Variants in FHIP1A observed in about 807,000 individuals in gnomAD.
The protein encoded by FHIP1A is FHF complex subunit HOOK interacting protein 1A.
A neutral mutation model predicts 88.6 loss-of-function variants in FHIP1A; 61 were observed. The observed-to-expected ratio is 0.69, with a 90% CI of 0.56 to 0.85. The LOEUF (loss-of-function observed/expected upper bound fraction) is 0.85, where lower values mean the gene tolerates loss of function less well. Among genes scored for constraint, FHIP1A ranks in the 40% least tolerant of loss-of-function variants. FHIP1A has a pLI of 0.00. For synonymous variants in FHIP1A, 478 were observed against 496.0 expected (o/e 0.96, Z 0.48); for missense variants, 1,154 against 1,273.5 (o/e 0.91, Z 1.43).
chr4:151,659,596 A>T (rs759980153), intron 13 of FHIP1A, among the ~76,000 whole-genome samples: 13 of 152,148 alleles, frequency 8.5e-5, no homozygotes, highest in Non-Finnish European at 4.4e-5. Flanking sequence ...AGCTTTTCAG[A>T]CCCAGGGCAA....
intron 1 of FHIP1A, among the ~76,000 whole-genome samples, chr4:151,423,083 C>A (rs1158487433): frequency 2.0e-5 from 3 of 152,112 alleles, no homozygotes; most frequent in Non-Finnish European, 4.4e-5. Context: ...GGCTTGTCAC[C>A]CATTGACAGG....
chr4:151,661,355 A>G (rs1019514284), intron 13 of FHIP1A, among the ~76,000 whole-genome samples: 2 of 151,922 alleles, frequency 1.3e-5, no homozygotes, highest in Non-Finnish European at 2.9e-5. Flanking sequence ...ATGGCATTAA[A>G]GCTGTGATAA....
rs115735680 is a variant in FHIP1A at position 151,459,878 on chromosome 4, G to A, written c.-248+5070G>A. On this transcript the variant is annotated intron_variant, in intron 2 of 13. Coordinates refer to ENST00000435205, the MANE Select transcript of FHIP1A (RefSeq NM_001109977.3). ...AGGTTGACGGAGAGAGAGCAAGAAT[G>A]AGAAAGACCTTTTGCATACACTTGG... 3.7e-3 allele frequency among the ~76,000 whole-genome samples: 558 copies of A among 152,240 alleles called. 3 individuals are homozygous for A. The highest frequency in any genetic ancestry group is 0.013 in the African/African-American group (538 of 41,546).
chr4:151,422,179 AAAG>A (rs1733196133), intron 1 of FHIP1A, among the ~76,000 whole-genome samples: 1 of 151,862 alleles, frequency 6.6e-6, no homozygotes, highest in Non-Finnish European at 1.5e-5. Flanking sequence ...AAAGAAAAAA[AAAG>A]AAGCAGTTGA....
chr4:151,495,670 C>G lies in FHIP1A; in HGVS notation c.-123+13022C>G, dbSNP rs1730436866. On this transcript the variant is annotated intron_variant, in intron 3 of 13. Coordinates refer to ENST00000435205, the MANE Select transcript of FHIP1A (RefSeq NM_001109977.3). The stretch of plus-strand genomic sequence containing the variant: ...TGGAGTTTCTTTCTTGTTACCCAGG[C>G]TGGAGTGCAGTGGTGTGATCTCGGC... 3.5e-5 allele frequency among the ~76,000 whole-genome samples: 5 copies of G among 141,738 alleles called. No individual in the cohort carries two copies. In the South Asian group the frequency reaches 1.1e-3, roughly 31 times the overall value. 93.0% of individuals were successfully genotyped at this position (141,738 alleles called of 152,430 possible). A position where few individuals can be genotyped will look rare whatever the true frequency, so the allele number is the denominator to read the frequency against.
chr4:151,533,640 G>T (rs1201884927), intron 3 of FHIP1A, among the ~76,000 whole-genome samples: 4 of 152,144 alleles, frequency 2.6e-5, no homozygotes, highest in Non-Finnish European at 4.4e-5. Context: ...AGTAAAATTT[G>T]GTGTAGGGTT....
rs1328931240 is a variant in FHIP1A at position 151,669,346 on chromosome 4, T to C, written c.*6592T>C. ...GGCATCTTCCTCTGGGAATAATCAG[T>C]CCTTAATACAGTTTGCACTTGACAT... On this transcript the variant is annotated 3_prime_UTR_variant, in exon 14 of 14. Coordinates refer to ENST00000435205, the MANE Select transcript of FHIP1A (RefSeq NM_001109977.3). 6.6e-6 allele frequency among the ~76,000 whole-genome samples: 1 copy of C among 152,248 alleles called. No homozygotes were observed. The highest frequency in any genetic ancestry group is 1.5e-5 in the Non-Finnish European group (1 of 68,042).
chr4:151,556,124 G>T (rs535974046), intron 3 of FHIP1A, among the ~76,000 whole-genome samples: 1 of 152,022 alleles, frequency 6.6e-6, no homozygotes, highest in Non-Finnish European at 1.5e-5. Flanking sequence ...TATAATATGC[G>T]TATTTTTGGG....
chr4:151,586,575 T>C, intron 5 of FHIP1A, 66 bp from the exon 6 acceptor site: 1 of 1,318,314 alleles, frequency 7.6e-7, no homozygotes, highest in Non-Finnish European at 1.1e-6. Flanking sequence ...GCATCACCTG[T>C]GAGCTGTTAA....
At chr4:151,499,814 G>A (rs1451674260) in intron 3 of FHIP1A, among the ~76,000 whole-genome samples, 2 of 152,282 alleles carry the variant, frequency 1.3e-5, no homozygotes, top group East Asian at 3.9e-4. Context: ...GATATCATGA[G>A]AACTCACTCA....
At chr4:151,629,637 G>T in intron 7 of FHIP1A, 65 bp from the exon 8 acceptor site, 1 of 1,448,530 alleles carries the variant, frequency 6.9e-7, no homozygotes, top group Non-Finnish European at 9.4e-7. Flanking sequence ...TGGGGGCCAC[G>T]GGAGAGGCGT....
At chr4:151,636,005 C>T (rs1194616047) in intron 8 of FHIP1A, among the ~76,000 whole-genome samples, 4 of 151,888 alleles carry the variant, frequency 2.6e-5, no homozygotes, top group Non-Finnish European at 5.9e-5. Flanking sequence ...GATTCCAAAA[C>T]TAAACAAAGA....
At position 151,638,705 on chromosome 4, in the gene FHIP1A, G is replaced by T; in HGVS notation, c.1175G>T (p.Arg392Ile). ...RLCVVSLALF[R>I]TLIGLHCEDV... ...TGTGTGGTGTCTCTGGCATTATTCA[G>T]AACTCTCATTGGTTTACATTGTGAA... Residue 392 changes from arginine to isoleucine, a missense_variant, in exon 9 of 14, where the codon AGA (arginine) becomes ATA (isoleucine). Coordinates refer to ENST00000435205, the MANE Select transcript of FHIP1A (RefSeq NM_001109977.3). 6.5e-7 allele frequency: 1 copy of T among 1,550,378 alleles called. No individual in the cohort carries two copies. The highest frequency in any genetic ancestry group is 8.7e-7 in the Non-Finnish European group (1 of 1,146,178).
intron 9 of FHIP1A, among the ~76,000 whole-genome samples, chr4:151,644,929 T>A (rs1736734625): frequency 6.6e-6 from 1 of 152,208 alleles, no homozygotes; most frequent in Non-Finnish European, 1.5e-5. Flanking sequence ...TTCTCTCTCC[T>A]GTGTTATTTC....
chr4:151,412,433 T>G (rs774594910), intron 1 of FHIP1A, among the ~76,000 whole-genome samples: 19 of 152,128 alleles, frequency 1.2e-4, no homozygotes, highest in Admixed American at 5.2e-4. Context: ...ATGGGCATAC[T>G]CTTTGCTCCT....
intron 3 of FHIP1A, among the ~76,000 whole-genome samples, chr4:151,493,065 A>C (rs1730341911): frequency 6.6e-6 from 1 of 152,208 alleles, no homozygotes; most frequent in South Asian, 2.1e-4. Flanking sequence ...AAAGATAAAC[A>C]AAATTGATAG....
intron 3 of FHIP1A, among the ~76,000 whole-genome samples, chr4:151,507,127 C>T (rs188631638): frequency 2.0e-5 from 3 of 152,154 alleles, no homozygotes; most frequent in Admixed American, 1.3e-4. Context: ...TCCCCTGCCC[C>T]CCCACTTTTT....
intron 1 of FHIP1A, among the ~76,000 whole-genome samples, chr4:151,412,606 TCCTTCCTCCCTCCCTCCCTCCCTC>T (rs1298387772): frequency 2.7e-4 from 38 of 138,688 alleles, no homozygotes; most frequent in African/African-American, 1.1e-3. Context: ...CTTCCTTCCT[TCCTTCCTCCCTCCCTCCCTCCCTC>T]CCTCCCTCCC....
chr4:151,547,062 A>G (rs1201398122), intron 3 of FHIP1A, among the ~76,000 whole-genome samples: 6 of 152,128 alleles, frequency 3.9e-5, no homozygotes, highest in African/African-American at 1.4e-4. Flanking sequence ...ATTAGAGTGG[A>G]TTACTGCTAC....
Sources: gnomAD v4.1 joint callset for allele counts (sites outside exome capture counted in the v4.1 genomes callset) on GRCh38, gnomAD v4.1.1 for gene constraint, MANE v1.5 for transcripts, NCBI Gene and HGNC (gene_info 2026-07-23, HGNC 2026-07-21) for gene names.